Variants in ABCA12 observed in about 807,000 individuals in gnomAD.
ABCA12 encodes the protein ATP binding cassette subfamily A member 12.
A neutral mutation model predicts 293.5 loss-of-function variants in ABCA12; 156 were observed. That is an observed-to-expected ratio of 0.53 (90% confidence interval 0.47 to 0.61). The LOEUF (loss-of-function observed/expected upper bound fraction) is 0.61. ABCA12 is among the 20% of genes least tolerant of loss of function. The probability of loss-of-function intolerance (pLI) is 0.00; values close to 1 mark genes in which losing one functional copy is unlikely to be tolerated. For missense variants in ABCA12, 2,797 were observed against 3,090.2 expected (o/e 0.91, Z 2.25); for synonymous variants, 1,063 against 1,108.0 (o/e 0.96, Z 0.81).
chr2:215,038,152 T>C (rs10170923), intron 7 of ABCA12, among the ~76,000 whole-genome samples: 22,871 of 152,142 alleles, frequency 0.15, 2,214 homozygotes, highest in East Asian at 0.37. Context: ...TAGTTCCTAG[T>C]ATAAAATAAG....
chr2:215,095,570 C>T (rs113285893), intron 2 of ABCA12, among the ~76,000 whole-genome samples: 42 of 152,244 alleles, frequency 2.8e-4, no homozygotes, highest in African/African-American at 9.2e-4. Flanking sequence ...AGAGACATCA[C>T]GCATTATCTC....
chr2:215,001,842 A>G (rs1700153462), intron 20 of ABCA12, 105 bp from the exon 21 acceptor site: 10 of 1,023,718 alleles, frequency 9.8e-6, no homozygotes, highest in Non-Finnish European at 1.4e-5. Context: ...GATTATAAAT[A>G]ACAAAAGCCT....
chr2:214,935,224 C>T (rs1698182166), intron 51 of ABCA12, among the ~76,000 whole-genome samples: 1 of 152,116 alleles, frequency 6.6e-6, no homozygotes. Flanking sequence ...TATTTTCCTT[C>T]TAGACATCTA....
At chr2:214,951,226 T>C in intron 44 of ABCA12, 143 bp from the exon 45 acceptor site, 1 of 780,130 alleles carries the variant, frequency 1.3e-6, no homozygotes, top group Non-Finnish European at 2.2e-6. Context: ...ATTATGCTAC[T>C]CAGATAACTT....
chr2:214,976,967 A>G (rs1699531373), intron 33 of ABCA12, among the ~76,000 whole-genome samples: 1 of 152,232 alleles, frequency 6.6e-6, no homozygotes, highest in Non-Finnish European at 1.5e-5. Flanking sequence ...TAAGTTTTCC[A>G]TCAGAAATTA....
chr2:214,999,437 A>G (rs780492842), intron 22 of ABCA12, among the ~76,000 whole-genome samples: 6 of 152,182 alleles, frequency 3.9e-5, no homozygotes, highest in Admixed American at 2.6e-4. Flanking sequence ...AGTATGGACA[A>G]TAATTCCTGC....
chr2:215,131,309 G>A (rs1703050011), intron 1 of ABCA12, among the ~76,000 whole-genome samples: 1 of 151,880 alleles, frequency 6.6e-6, no homozygotes, highest in Non-Finnish European at 1.5e-5. Flanking sequence ...ACCAAGATTG[G>A]TACCACCTCT....
chr2:214,959,674 C>T (rs1699059767), intron 39 of ABCA12, among the ~76,000 whole-genome samples: 1 of 152,100 alleles, frequency 6.6e-6, no homozygotes, highest in African/African-American at 2.4e-5. Context: ...TTCATTGAGA[C>T]ATAAATATCC....
chr2:214,949,176 T>A (rs73088462), intron 45 of ABCA12, 27 bp from the exon 46 acceptor site: 132,292 of 1,537,014 alleles, frequency 0.086, 7,819 homozygotes, highest in African/African-American at 0.29. Context: ...AAAGAAGATA[T>A]AAGCCTTAAT....
At chr2:215,036,751 T>C (rs1333010233) in intron 8 of ABCA12, among the ~76,000 whole-genome samples, 2 of 152,122 alleles carry the variant, frequency 1.3e-5, no homozygotes, top group African/African-American at 2.4e-5. Flanking sequence ...CTAAAAACCC[T>C]AGAAAGCCAC....
chr2:215,064,001 T>C, intron 3 of ABCA12, 65 bp downstream of exon 3: 3 of 1,604,608 alleles, frequency 1.9e-6, no homozygotes, highest in Non-Finnish European at 1.7e-6. Flanking sequence ...GCTTCCTGGC[T>C]ATCTCAGAAG....
chr2:215,001,247 T>C (rs948602091), intron 21 of ABCA12, among the ~76,000 whole-genome samples: 8 of 152,216 alleles, frequency 5.3e-5, no homozygotes, highest in Non-Finnish European at 7.3e-5. Flanking sequence ...ACAGATTAAA[T>C]GCACCATTCT....
At chr2:215,033,381 G>T (rs528716079) in intron 8 of ABCA12, among the ~76,000 whole-genome samples, 93 of 152,168 alleles carry the variant, frequency 6.1e-4, no homozygotes, top group African/African-American at 2.2e-3. Flanking sequence ...CAAGCTAATT[G>T]GTATTTGTAA....
rs754702027 is a variant in ABCA12 at position 214,992,545 on chromosome 2, G to GA, written c.3295-1515dup. Among the ~76,000 whole-genome samples the GA allele has an allele frequency of 2.5e-3, 102 of 41,134 alleles. 1 individual carries two copies. The highest frequency in any genetic ancestry group is 3.6e-3 in the Non-Finnish European group (82 of 22,656). 27.0% of individuals were successfully genotyped at this position (41,134 alleles called of 152,430 possible). ...CCCTTTTTTTTTTTTTTTTTTTTAG[G>GA]AAAAAAAAAAGAACAGAGGAAATCT... is the stretch of plus-strand genomic sequence containing the variant. On this transcript the variant is annotated intron_variant, in intron 23 of 52. Coordinates refer to ENST00000272895, the MANE Select transcript of ABCA12 (RefSeq NM_173076.3).
chr2:214,992,974 A>C (rs1453158149), intron 23 of ABCA12, among the ~76,000 whole-genome samples: 2 of 152,138 alleles, frequency 1.3e-5, no homozygotes, highest in Non-Finnish European at 2.9e-5. Flanking sequence ...CCTTAAACCT[A>C]AGTTTTCCAG....
intron 2 of ABCA12, among the ~76,000 whole-genome samples, chr2:215,073,256 T>A (rs1340439882): frequency 2.0e-5 from 3 of 152,172 alleles, no homozygotes; most frequent in Non-Finnish European, 2.9e-5. Flanking sequence ...ATTGCATTTT[T>A]AAAAAATCTC....
intron 34 of ABCA12, among the ~76,000 whole-genome samples, chr2:214,975,314 AAAAG>A (rs1699489228): frequency 6.6e-6 from 1 of 152,186 alleles, no homozygotes; most frequent in African/African-American, 2.4e-5. Flanking sequence ...CAGTCTCAGG[AAAAG>A]AAAGAAAGGT....
intron 13 of ABCA12, 38 bp downstream of exon 13, chr2:215,019,298 C>G: frequency 6.4e-7 from 1 of 1,556,950 alleles, no homozygotes; most frequent in South Asian, 1.1e-5. Flanking sequence ...CACATGCATT[C>G]TAATAAGACA....
intron 1 of ABCA12, among the ~76,000 whole-genome samples, chr2:215,115,600 CT>C (rs945636881): frequency 3.3e-5 from 5 of 152,200 alleles, no homozygotes; most frequent in African/African-American, 1.2e-4. Flanking sequence ...TTCCACCCCC[CT>C]ATACTCTTGG....
Sources: allele counts gnomAD v4.1 joint callset (sites outside exome capture counted in the v4.1 genomes callset), GRCh38; gene constraint gnomAD v4.1.1; transcripts MANE v1.5; gene names NCBI Gene and HGNC (gene_info 2026-07-23, HGNC 2026-07-21).